ANO10: variants seen among roughly 807,000 people sequenced by gnomAD.
The protein encoded by ANO10 is anoctamin 10.
In ANO10, 77 loss-of-function variants were observed where a neutral mutation model predicts 74.7. That is an observed-to-expected ratio of 1.03 (90% CI 0.86 to 1.25). ANO10 has a LOEUF of 1.25. Among genes scored for constraint, ANO10 ranks in the 50% most tolerant of loss-of-function variants. The pLI is 0.00. For synonymous variants in ANO10, 279 were observed against 284.9 expected, an observed-to-expected ratio of 0.98 and a Z score of 0.21; for missense variants, 721 against 778.1, an observed-to-expected ratio of 0.93 and a Z score of 0.87.
chr3:43,574,758 T>A (rs1348528016), intron 7 of ANO10, 51 bp downstream of exon 7: 3 of 1,331,644 alleles, frequency 2.3e-6, no homozygotes, highest in Non-Finnish European at 3.2e-6. Context: ...ATATATTATG[T>A]AGTATATACC....
At chr3:43,670,102 C>T (rs112350037) in intron 1 of ANO10, among the ~76,000 whole-genome samples, 17 of 152,112 alleles carry the variant, frequency 1.1e-4, no homozygotes, top group Admixed American at 6.5e-4. Flanking sequence ...CCTGTAATCC[C>T]GGCACTTTGG....
intron 4 of ANO10, among the ~76,000 whole-genome samples, chr3:43,591,140 A>G (rs533355430): frequency 6.6e-5 from 10 of 152,268 alleles, no homozygotes; most frequent in African/African-American, 2.4e-4. Flanking sequence ...GCAACTGCAC[A>G]TTCTTCTGGT....
chr3:43,367,017 A>C, intron 12 of ANO10, 43 bp from the exon 13 acceptor site: 1 of 1,554,616 alleles, frequency 6.4e-7, no homozygotes, highest in Non-Finnish European at 8.7e-7. Flanking sequence ...ACAGAAGCCT[A>C]AGTAGTGGCC....
At chr3:43,680,600 C>G (rs954942029) in intron 1 of ANO10, among the ~76,000 whole-genome samples, 2 of 152,034 alleles carry the variant, frequency 1.3e-5, no homozygotes, top group Non-Finnish European at 2.9e-5. Context: ...AGATACTCCT[C>G]GAGAAGAGCA....
Position 43,538,150 on chromosome 3 carries a change from TA to T in ANO10, c.1797+11569del, listed in dbSNP as rs924275953. Among the ~76,000 whole-genome samples, 17 of 152,086 alleles carry T rather than the reference TA, an allele frequency of 1.1e-4. 1 individual carries two copies. The highest frequency in any genetic ancestry group is 3.4e-3 in the Middle Eastern group (1 of 294). ...CTATTTTTGATATAAAATTTCAGTATAAAAAAAACAGCTAAGTGTTTCTAAA... is the reference window on the plus strand; with the variant it reads ...CTATTTTTGATATAAAATTTCAGTATAAAAAAACAGCTAAGTGTTTCTAAA... On this transcript the variant is annotated intron_variant, in intron 11 of 12. Transcript: ENST00000292246.
Position 43,366,956 on chromosome 3 carries a change from C to A in ANO10, c.1933G>T (p.Glu645Ter), listed in dbSNP as rs866263881. 3 of 1,601,940 alleles carry A rather than the reference C, an allele frequency of 1.9e-6. No individual in the cohort carries two copies. The highest frequency in any genetic ancestry group is 2.6e-6 in the Non-Finnish European group (3 of 1,174,174). Reference protein sequence around the residue: ...LKQQQMKLVTENLKEEPMESG... With the variant: ...LKQQQMKLVT ...TCCATTGGTTCCTCCTTCAGGTTCT[C>A]GGTCACGAGCTTCATTTGCTGTTAA... The change falls in exon 13 of 13, where the codon GAG (glutamate) becomes TAG (stop). Residue 645 changes from glutamate to a stop codon, truncating the protein, a stop_gained. Transcript: ENST00000292246. LOFTEE classifies it high-confidence loss of function.
At chr3:43,513,667 C>T (rs566356662) in intron 11 of ANO10, among the ~76,000 whole-genome samples, 6 of 152,262 alleles carry the variant, frequency 3.9e-5, no homozygotes, top group African/African-American at 9.6e-5. Context: ...CCTGCCACCA[C>T]GCCCAGCTAA....
intron 1 of ANO10, among the ~76,000 whole-genome samples, chr3:43,641,350 T>G (rs2083668230): frequency 6.6e-6 from 1 of 152,186 alleles, no homozygotes; most frequent in Non-Finnish European, 1.5e-5. Flanking sequence ...AATCACTGTT[T>G]ACAGTAGAAG....
chr3:43,439,186 G>A (rs1363497821), intron 11 of ANO10, among the ~76,000 whole-genome samples: 3 of 151,808 alleles, frequency 2.0e-5, no homozygotes, highest in Admixed American at 1.3e-4. Flanking sequence ...ATTATCAGCA[G>A]ATTTCTCAGC....
intron 11 of ANO10, among the ~76,000 whole-genome samples, chr3:43,516,025 A>T (rs924506192): frequency 7.2e-5 from 11 of 152,166 alleles, no homozygotes; most frequent in Non-Finnish European, 1.5e-4. Context: ...GATCTGAGAT[A>T]TTTCACATAT....
intron 11 of ANO10, among the ~76,000 whole-genome samples, chr3:43,497,887 G>A (rs1312551774): frequency 6.6e-6 from 1 of 152,166 alleles, no homozygotes; most frequent in Non-Finnish European, 1.5e-5. Context: ...GGAAAAGCCA[G>A]TACAAATTGA....
At chr3:43,644,295 T>G (rs1033468497) in intron 1 of ANO10, among the ~76,000 whole-genome samples, 3 of 152,184 alleles carry the variant, frequency 2.0e-5, no homozygotes, top group African/African-American at 7.2e-5. Flanking sequence ...CACTATGTAT[T>G]TAAAAGCCCA....
intron 1 of ANO10, among the ~76,000 whole-genome samples, chr3:43,665,301 A>T (rs2149574796): frequency 6.6e-6 from 1 of 152,228 alleles, no homozygotes; most frequent in South Asian, 2.1e-4. Context: ...ACATGTTCTT[A>T]CTCGTAAGGG....
intron 1 of ANO10, among the ~76,000 whole-genome samples, chr3:43,650,397 A>C (rs2083773985): frequency 6.6e-6 from 1 of 152,228 alleles, no homozygotes; most frequent in African/African-American, 2.4e-5. Flanking sequence ...GAGAAAAACC[A>C]TTAAGTTACT....
At chr3:43,461,106 G>T (rs2075359533) in intron 11 of ANO10, among the ~76,000 whole-genome samples, 1 of 151,784 alleles carries the variant, frequency 6.6e-6, no homozygotes. Flanking sequence ...AAAAAGATCA[G>T]TAAACTAAAC....
intron 1 of ANO10, among the ~76,000 whole-genome samples, chr3:43,653,261 G>A (rs569747410): frequency 6.6e-6 from 1 of 152,022 alleles, no homozygotes; most frequent in Non-Finnish European, 1.5e-5. Flanking sequence ...AATAGGTAAA[G>A]GACATGAACA....
At chr3:43,578,306 T>G (rs1410548480) in intron 5 of ANO10, among the ~76,000 whole-genome samples, 1 of 152,126 alleles carries the variant, frequency 6.6e-6, no homozygotes, top group Non-Finnish European at 1.5e-5. Context: ...CCACAGCAGA[T>G]GACCTTCCCC....
At chr3:43,398,825 T>G (rs191542423) in intron 12 of ANO10, among the ~76,000 whole-genome samples, 1 of 152,302 alleles carries the variant, frequency 6.6e-6, no homozygotes, top group African/African-American at 2.4e-5. Context: ...GGGATAATAG[T>G]ATCTATCTCA....
chr3:43,573,098 T>A (rs988814733), intron 7 of ANO10, among the ~76,000 whole-genome samples: 1 of 152,220 alleles, frequency 6.6e-6, no homozygotes, highest in South Asian at 2.1e-4. Flanking sequence ...ACAATGTTTT[T>A]ACCTCTGAGG....
Sources: allele counts gnomAD v4.1 joint callset (sites outside exome capture counted in the v4.1 genomes callset), GRCh38; gene constraint gnomAD v4.1.1; transcripts MANE v1.5; gene names NCBI Gene and HGNC (gene_info 2026-07-23, HGNC 2026-07-21).